The following FILIP1L variants were observed in gnomAD, a reference collection of about 807,000 sequenced individuals.
The protein encoded by FILIP1L is filamin A interacting protein 1 like.
In FILIP1L, 55 loss-of-function variants were observed where a neutral mutation model predicts 96.6. That is an observed-to-expected ratio of 0.57 (90% CI 0.46 to 0.71). The LOEUF (loss-of-function observed/expected upper bound fraction) is 0.71, where lower values mean the gene tolerates loss of function less well. Among genes scored for constraint, FILIP1L ranks in the 30% least tolerant of loss-of-function variants. The pLI is 0.00. For synonymous variants in FILIP1L, 467 were observed against 473.9 expected (o/e 0.99, Z 0.19); for missense variants, 1,304 against 1,321.2 (o/e 0.99, Z 0.20).
chr3:100,021,960 T>TGTGTGTGTGTGTGTGA (rs1321185364), intron 1 of FILIP1L, among the ~76,000 whole-genome samples: 2 of 93,290 alleles, frequency 2.1e-5, no homozygotes, highest in African/African-American at 8.1e-5. Flanking sequence ...TGTGTGTGTG[T>TGTGTGTGTGTGTGTGA]GAGAGAGAGA....
At chr3:99,863,394 G>A (rs772070867) in intron 4 of FILIP1L, among the ~76,000 whole-genome samples, 3 of 152,112 alleles carry the variant, frequency 2.0e-5, no homozygotes, top group Non-Finnish European at 4.4e-5. Context: ...GGGGACTCCT[G>A]TACGTGGGGA....
chr3:99,843,744 G>A (rs976686253), intron 5 of FILIP1L, among the ~76,000 whole-genome samples: 4 of 152,088 alleles, frequency 2.6e-5, no homozygotes, highest in Non-Finnish European at 2.9e-5. Context: ...TAAACCCTGG[G>A]CCACGGACTG....
At chr3:99,856,098 GCTGCTCTGCT>G (rs71130096) in intron 4 of FILIP1L, among the ~76,000 whole-genome samples, 24 of 151,350 alleles carry the variant, frequency 1.6e-4, no homozygotes, top group African/African-American at 2.2e-4. Context: ...TGCTGCTCTT[GCTGCTCTGCT>G]CTGCTCTGCT....
chr3:99,882,447 A>G (rs1705760175), intron 4 of FILIP1L, among the ~76,000 whole-genome samples: 1 of 152,218 alleles, frequency 6.6e-6, no homozygotes, highest in Non-Finnish European at 1.5e-5. Flanking sequence ...AAATGTATTC[A>G]CTGAGAAAAA....
chr3:100,073,202 T>A (rs906497154), intron 1 of FILIP1L, among the ~76,000 whole-genome samples: 1 of 152,202 alleles, frequency 6.6e-6, no homozygotes, highest in Non-Finnish European at 1.5e-5. Context: ...GTTTGCCACC[T>A]GTTTTTATAA....
chr3:100,108,301 G>A (rs1259497984), intron 1 of FILIP1L, among the ~76,000 whole-genome samples: 1 of 152,124 alleles, frequency 6.6e-6, no homozygotes, highest in African/African-American at 2.4e-5. Flanking sequence ...CCAAGGTATA[G>A]CACCATAGTG....
chr3:99,866,423 A>C (rs1944522032), intron 4 of FILIP1L, among the ~76,000 whole-genome samples: 1 of 152,166 alleles, frequency 6.6e-6, no homozygotes, highest in Non-Finnish European at 1.5e-5. Context: ...AACCACAACA[A>C]CAGATGCCTA....
At chr3:99,982,500 C>T (rs541834872) in intron 1 of FILIP1L, among the ~76,000 whole-genome samples, 2 of 152,190 alleles carry the variant, frequency 1.3e-5, no homozygotes, top group South Asian at 2.1e-4. Context: ...GCCACCACGC[C>T]CAGCTAATTT....
chr3:100,071,736 A>C (rs185305089), intron 1 of FILIP1L, among the ~76,000 whole-genome samples: 1 of 152,028 alleles, frequency 6.6e-6, no homozygotes, highest in East Asian at 1.9e-4. Context: ...CTCCTCCCCA[A>C]ATGATCCTTG....
intron 1 of FILIP1L, among the ~76,000 whole-genome samples, chr3:100,084,127 C>T (rs2065971225): frequency 6.6e-6 from 1 of 152,062 alleles, no homozygotes; most frequent in South Asian, 2.1e-4. Context: ...CCATGAGACC[C>T]ATGTCATTTG....
chr3:100,004,617 A>G (rs1709936491), intron 1 of FILIP1L, among the ~76,000 whole-genome samples: 1 of 152,228 alleles, frequency 6.6e-6, no homozygotes, highest in Admixed American at 6.5e-5. Context: ...TCATCAGGAC[A>G]GAGTAGCCAA....
At chr3:100,109,055 G>A (rs939197614) in intron 1 of FILIP1L, among the ~76,000 whole-genome samples, 11 of 150,474 alleles carry the variant, frequency 7.3e-5, no homozygotes, top group Non-Finnish European at 1.6e-4. Flanking sequence ...AGTTTTCTGG[G>A]TTCTACAGGA....
chr3:99,889,195 A>G (rs1559677085), intron 4 of FILIP1L, among the ~76,000 whole-genome samples: 1 of 152,138 alleles, frequency 6.6e-6, no homozygotes, highest in Non-Finnish European at 1.5e-5. Context: ...ATAACTAACA[A>G]GGATGTGCTG....
At chr3:99,855,222 A>G (rs1943902845) in intron 4 of FILIP1L, among the ~76,000 whole-genome samples, 2 of 152,216 alleles carry the variant, frequency 1.3e-5, no homozygotes, top group Non-Finnish European at 2.9e-5. Flanking sequence ...GTGAGAGAAT[A>G]TGGCTAAATT....
At chr3:100,028,213 A>T (rs183439078) in intron 1 of FILIP1L, among the ~76,000 whole-genome samples, 1 of 152,298 alleles carries the variant, frequency 6.6e-6, no homozygotes, top group East Asian at 1.9e-4. Flanking sequence ...TCATTATCCC[A>T]GTTTTGCAGA....
At chr3:100,087,173 G>C (rs1222533942) in intron 1 of FILIP1L, among the ~76,000 whole-genome samples, 1 of 152,220 alleles carries the variant, frequency 6.6e-6, no homozygotes, top group African/African-American at 2.4e-5. Context: ...TTCACGTACA[G>C]GTTTTAAGTG....
chr3:100,054,508 TTA>T (rs1491221950), intron 1 of FILIP1L, among the ~76,000 whole-genome samples: 2 of 150,382 alleles, frequency 1.3e-5, no homozygotes, highest in Non-Finnish European at 3.0e-5. Context: ...TTATGTTATG[TTA>T]TGTTATGTTA....
At chr3:100,100,465 T>C (rs1201900763) in intron 1 of FILIP1L, among the ~76,000 whole-genome samples, 3 of 152,142 alleles carry the variant, frequency 2.0e-5, no homozygotes, top group Non-Finnish European at 4.4e-5. Context: ...AGTGAGGCCA[T>C]ATGCATTTAA....
intron 4 of FILIP1L, among the ~76,000 whole-genome samples, chr3:99,890,336 T>C (rs1706043351): frequency 6.6e-6 from 1 of 152,144 alleles, no homozygotes; most frequent in Non-Finnish European, 1.5e-5. Flanking sequence ...AATGCAGATT[T>C]CTTTTATTTT....
Sources: allele counts gnomAD v4.1 joint callset (sites outside exome capture counted in the v4.1 genomes callset), GRCh38; gene constraint gnomAD v4.1.1; transcripts MANE v1.5; gene names NCBI Gene and HGNC (gene_info 2026-07-23, HGNC 2026-07-21).